Variants in RABGAP1L observed in about 807,000 individuals in gnomAD.
RABGAP1L encodes rab GTPase-activating protein 1-like.
RABGAP1L carries 63 observed loss-of-function variants against 137.7 expected under a neutral mutation model. The ratio of observed to expected loss-of-function variants is 0.46; its 90% CI spans 0.37 to 0.56. The LOEUF (loss-of-function observed/expected upper bound fraction) is 0.56, where lower values mean the gene tolerates loss of function less well. Ranked by LOEUF, RABGAP1L falls within the 20% of genes least tolerant of loss-of-function variation. The probability of loss-of-function intolerance (pLI) is 0.00; values close to 1 mark genes in which losing one functional copy is unlikely to be tolerated. For missense variants in RABGAP1L, 1,095 were observed against 1,244.0 expected, an observed-to-expected ratio of 0.88 and a Z score of 1.80; for synonymous variants, 431 against 433.7, an observed-to-expected ratio of 0.99 and a Z score of 0.08.
At chr1:174,967,024 A>G (rs1397519880) in intron 20 of RABGAP1L, among the ~76,000 whole-genome samples, 4 of 152,316 alleles carry the variant, frequency 2.6e-5, no homozygotes, top group Non-Finnish European at 5.9e-5. Flanking sequence ...AACAAGGACA[A>G]CAATAAAGAA....
At position 174,990,137 on chromosome 1, in the gene RABGAP1L, T is replaced by G. The variant is rs1047279073; in HGVS notation, c.*136T>G. 7 of 1,120,294 alleles carry G rather than the reference T, an allele frequency of 6.2e-6. No individual in the cohort carries two copies. Among genetic ancestry groups the G allele is most frequent in the Non-Finnish European group, 8.7e-6 (7 of 804,368 alleles). 69.4% of individuals were successfully genotyped at this position (1,120,294 alleles called of 1,614,324 possible). The stretch of plus-strand genomic sequence containing the variant: ...GAATTTTTCAGTAGCTCTCACTCTT[T>G]CTTGTATGACACTTTTCAAAGGGAT... On this transcript the variant is annotated 3_prime_UTR_variant, in exon 26 of 26. Coordinates refer to ENST00000681986, the MANE Select transcript of RABGAP1L (RefSeq NM_001366446.1).
chr1:174,412,786 GC>G (rs35937885), intron 13 of RABGAP1L, among the ~76,000 whole-genome samples: 5 of 152,026 alleles, frequency 3.3e-5, no homozygotes, highest in Non-Finnish European at 7.4e-5. Context: ...CTTAAAAAAG[GC>G]CCCCAGTCTC....
intron 13 of RABGAP1L, among the ~76,000 whole-genome samples, chr1:174,587,619 TGC>T (rs1669223905): frequency 6.6e-6 from 1 of 151,980 alleles, no homozygotes; most frequent in Admixed American, 6.5e-5. Flanking sequence ...TGTGGGAAAA[TGC>T]AATTAAAAGA....
chr1:174,820,887 C>T (rs1055421067), intron 19 of RABGAP1L, among the ~76,000 whole-genome samples: 4 of 151,920 alleles, frequency 2.6e-5, no homozygotes, highest in East Asian at 1.9e-4. Flanking sequence ...CATGGTGGCA[C>T]GTGCCTATAA....
rs374874037 is a variant in RABGAP1L, at chr1:174,651,407, G to A, written c.1824+13919G>A. 1.0e-3 allele frequency among the ~76,000 whole-genome samples: 155 copies of A among 152,124 alleles called. 1 individual carries two copies. The highest frequency in any genetic ancestry group is 6.2e-3 in the South Asian group (30 of 4,812). ...GGTATCCTTGTTAACTTTCTGTCTC[G>A]TTGATCTGTCTAATGTTGACAGTGG... is the stretch of plus-strand genomic sequence containing the variant. On this transcript the variant is annotated intron_variant, in intron 14 of 25. Transcript: ENST00000681986.
At chr1:174,383,809 C>T (rs2149050197) in intron 12 of RABGAP1L, among the ~76,000 whole-genome samples, 1 of 152,214 alleles carries the variant, frequency 6.6e-6, no homozygotes, top group African/African-American at 2.4e-5. Flanking sequence ...CATCTTGGCT[C>T]CTCCTCGCAA....
At chr1:174,171,153 A>T (rs995710969) in intron 1 of RABGAP1L, among the ~76,000 whole-genome samples, 1 of 152,206 alleles carries the variant, frequency 6.6e-6, no homozygotes. Flanking sequence ...CAGGTGACCT[A>T]TAAGATCCTT....
chr1:174,971,038 G>A (rs1437099628), intron 21 of RABGAP1L, among the ~76,000 whole-genome samples: 1 of 151,778 alleles, frequency 6.6e-6, no homozygotes, highest in Non-Finnish European at 1.5e-5. Context: ...AGTATACCTA[G>A]ATAGGGAAGA....
intron 13 of RABGAP1L, among the ~76,000 whole-genome samples, chr1:174,438,842 CCTA>C (rs1653787656): frequency 6.9e-6 from 1 of 145,788 alleles, no homozygotes; most frequent in African/African-American, 2.6e-5. Flanking sequence ...TACATTTTCA[CCTA>C]CTTTCTGTTT....
At chr1:174,915,016 T>C (rs1266163962) in intron 19 of RABGAP1L, among the ~76,000 whole-genome samples, 1 of 152,226 alleles carries the variant, frequency 6.6e-6, no homozygotes, top group Non-Finnish European at 1.5e-5. Context: ...TAGTAGCTTG[T>C]TCCTTTTCGT....
At chr1:174,525,253 C>G (rs1334304339) in intron 13 of RABGAP1L, among the ~76,000 whole-genome samples, 1 of 151,978 alleles carries the variant, frequency 6.6e-6, no homozygotes, top group Non-Finnish European at 1.5e-5. Context: ...TTTAACAATA[C>G]TAATTATTCT....
At chr1:174,677,159 C>CAAAAAAAAAAAAAAAA (rs10636911) in intron 14 of RABGAP1L, among the ~76,000 whole-genome samples, 4 of 126,356 alleles carry the variant, frequency 3.2e-5, no homozygotes, top group African/African-American at 1.1e-4. Flanking sequence ...CCATCTCTAC[C>CAAAAAAAAAAAAAAAA]AAAAAAAAAA....
chr1:174,439,040 T>G (rs1653819704), intron 13 of RABGAP1L, among the ~76,000 whole-genome samples: 1 of 151,682 alleles, frequency 6.6e-6, no homozygotes, highest in Non-Finnish European at 1.5e-5. Flanking sequence ...ATCTTCCTTT[T>G]CTTGTATGGC....
At chr1:174,773,689 T>A (rs1686302913) in intron 18 of RABGAP1L, among the ~76,000 whole-genome samples, 2 of 152,212 alleles carry the variant, frequency 1.3e-5, no homozygotes, top group Non-Finnish European at 2.9e-5. Flanking sequence ...GAACTCACTG[T>A]CAAAAATCAT....
rs983021734 is a variant in RABGAP1L, at chr1:174,357,357, A to C, written c.1466-13622A>C. On this transcript the variant is annotated intron_variant, in intron 11 of 25. Coordinates refer to ENST00000681986, the MANE Select transcript of RABGAP1L (RefSeq NM_001366446.1). ...CACAATTCTTTGTCTTTGTCTCTCTATTGTTTTTCCTCACCCTAAGCGTGT... is the reference window on the plus strand; with the variant it reads ...CACAATTCTTTGTCTTTGTCTCTCTCTTGTTTTTCCTCACCCTAAGCGTGT... Among the ~76,000 whole-genome samples, 10 of 152,222 alleles carry C rather than the reference A, an allele frequency of 6.6e-5. No homozygotes were observed. The South Asian group carries it at 2.1e-3, about 32-fold the overall frequency.
At chr1:174,376,113 A>C (rs1457813165) in intron 12 of RABGAP1L, among the ~76,000 whole-genome samples, 1 of 151,404 alleles carries the variant, frequency 6.6e-6, no homozygotes, top group African/African-American at 2.4e-5. Flanking sequence ...AGAAGGAAGG[A>C]GAGAAAGACA....
chr1:174,468,435 A>G (rs1435821846), intron 13 of RABGAP1L, among the ~76,000 whole-genome samples: 1 of 152,158 alleles, frequency 6.6e-6, no homozygotes, highest in Admixed American at 6.5e-5. Context: ...CATCCTGATC[A>G]TTGTTCAATA....
intron 1 of RABGAP1L, among the ~76,000 whole-genome samples, chr1:174,179,891 A>T (rs1180539734): frequency 6.6e-6 from 1 of 152,234 alleles, no homozygotes; most frequent in African/African-American, 2.4e-5. Context: ...TTATGTATGC[A>T]TTTAATGTAG....
chr1:174,849,228 C>G (rs958935090), intron 19 of RABGAP1L, among the ~76,000 whole-genome samples: 3 of 152,130 alleles, frequency 2.0e-5, no homozygotes, highest in Non-Finnish European at 4.4e-5. Context: ...GGAGCTGTTC[C>G]TATTCGGCCA....
Sources: gnomAD v4.1 joint callset for allele counts (sites outside exome capture counted in the v4.1 genomes callset) on GRCh38, gnomAD v4.1.1 for gene constraint, MANE v1.5 for transcripts, NCBI Gene and HGNC (gene_info 2026-07-23, HGNC 2026-07-21) for gene names.